SMURF2: variants seen among roughly 807,000 people sequenced by gnomAD.
SMURF2 encodes the protein E3 ubiquitin-protein ligase SMURF2.
A neutral mutation model predicts 109.6 loss-of-function variants in SMURF2; 48 were observed. The observed-to-expected ratio is 0.44, with a 90% CI of 0.35 to 0.56. The LOEUF (loss-of-function observed/expected upper bound fraction) is 0.56, where lower values mean the gene tolerates loss of function less well. SMURF2 is among the 20% of genes least tolerant of loss of function. The pLI is 0.01. For synonymous variants in SMURF2, 288 were observed against 317.1 expected (o/e 0.91, Z 0.97); for missense variants, 575 against 909.0 (o/e 0.63, Z 4.72).
intron 1 of SMURF2, among the ~76,000 whole-genome samples, chr17:64,655,666 C>A (rs549720744): frequency 6.6e-6 from 1 of 152,112 alleles, no homozygotes; most frequent in South Asian, 2.1e-4. Context: ...GTGGGCAGAT[C>A]ACTTGAGGTC....
intron 1 of SMURF2, among the ~76,000 whole-genome samples, chr17:64,646,803 C>T (rs1970565769): frequency 1.3e-5 from 2 of 152,298 alleles, no homozygotes; most frequent in East Asian, 1.9e-4. Flanking sequence ...GATATCACTG[C>T]CTTCTCACCA....
Position 64,562,983 on chromosome 17 carries a change from A to T in SMURF2, c.1017-17T>A. ...TTCTGCCGACTAGAAGTAAACATAG[A>T]TGTTATTATTAAAGTATATCAAATT... On this transcript the variant is annotated splice_polypyrimidine_tract_variant and intron_variant, in intron 10 of 18. Coordinates refer to ENST00000262435, the MANE Select transcript of SMURF2 (RefSeq NM_022739.4). The T allele has an allele frequency of 6.3e-7, 1 of 1,583,860 alleles. No homozygotes were observed. Among genetic ancestry groups the T allele is most frequent in the Non-Finnish European group, 8.6e-7 (1 of 1,164,174 alleles).
chr17:64,618,538 G>A (rs1330522154), intron 1 of SMURF2, among the ~76,000 whole-genome samples: 3 of 152,162 alleles, frequency 2.0e-5, no homozygotes, highest in African/African-American at 7.2e-5. Flanking sequence ...GCTGTGTGCA[G>A]ACCAAACATT....
intron 6 of SMURF2, among the ~76,000 whole-genome samples, chr17:64,585,617 T>A (rs576477451): frequency 9.0e-4 from 137 of 152,330 alleles, no homozygotes; most frequent in African/African-American, 3.2e-3. Flanking sequence ...TCCAAGATGC[T>A]ATGAGAATTA....
At chr17:64,620,322 A>C (rs1480923342) in intron 1 of SMURF2, among the ~76,000 whole-genome samples, 10 of 152,150 alleles carry the variant, frequency 6.6e-5, no homozygotes, top group Non-Finnish European at 7.4e-5. Context: ...CCACAGAAAA[A>C]CTGTAAGTGA....
At chr17:64,573,753 T>C (rs1969449282) in intron 9 of SMURF2, among the ~76,000 whole-genome samples, 1 of 152,060 alleles carries the variant, frequency 6.6e-6, no homozygotes, top group South Asian at 2.1e-4. Context: ...CCTCCCAAAT[T>C]CAGCCTCCCA....
rs888735968 is a variant in SMURF2 at position 64,550,828 on chromosome 17, G to A, written c.1869+756C>T. 3.3e-5 allele frequency among the ~76,000 whole-genome samples: 5 copies of A among 150,828 alleles called. No individual in the cohort carries two copies. The East Asian group carries it at 5.9e-4, about 18-fold the overall frequency. On this transcript the variant is annotated intron_variant, in intron 16 of 18. Coordinates refer to ENST00000262435, the MANE Select transcript of SMURF2 (RefSeq NM_022739.4). ...TCCTAGGTGTTTTAGTTATTTTCTC[G>A]ATGATCTTGTCTATCAAATGCTTTC...
intron 1 of SMURF2, among the ~76,000 whole-genome samples, chr17:64,621,433 A>G (rs1214763624): frequency 1.3e-5 from 2 of 151,852 alleles, no homozygotes; most frequent in African/African-American, 4.8e-5. Flanking sequence ...TACAAAAATT[A>G]GCCAGGCGTC....
At chr17:64,562,748 C>A in intron 11 of SMURF2, 23 bp downstream of exon 11, 1 of 1,599,434 alleles carries the variant, frequency 6.3e-7, no homozygotes, top group South Asian at 1.1e-5. Context: ...AATAGTAAAA[C>A]AAAATAAGGC....
rs781983073 is a variant in SMURF2 at position 64,578,466 on chromosome 17, A to G, written c.857+26T>C. 3.4e-6 allele frequency: 5 copies of G among 1,490,844 alleles called. No individual in the cohort carries two copies. In the Admixed American group the frequency reaches 5.1e-5, roughly 15 times the overall value. 92.4% of individuals were successfully genotyped at this position (1,490,844 alleles called of 1,614,324 possible). A position where few individuals can be genotyped will look rare whatever the true frequency, so the allele number is the denominator to read the frequency against. ...AGGTGAAATGGCTCTTTGATGGTCT[A>G]AAGAGTGCTTAAAATACGTTCTTAC... On this transcript the variant is annotated intron_variant, in intron 9 of 18. Transcript: ENST00000262435.
At position 64,634,643 on chromosome 17, in the gene SMURF2, A is replaced by T. The variant is rs1331696981; in HGVS notation, c.52+27186T>A. On this transcript the variant is annotated intron_variant, in intron 1 of 18. Transcript: ENST00000262435. ...CATTTCCCTGAAGTTTTTTTATACC[A>T]CTTATTTACTGTCTCCTGTTCTTTC... Among the ~76,000 whole-genome samples the T allele has an allele frequency of 2.0e-5, 3 of 152,106 alleles. No homozygotes were observed. The East Asian group carries it at 5.8e-4, about 29-fold the overall frequency.
chr17:64,547,034 G>A lies in SMURF2; in HGVS notation c.2071+566C>T, dbSNP rs1555683155. On this transcript the variant is annotated intron_variant, in intron 17 of 18. Coordinates refer to ENST00000262435, the MANE Select transcript of SMURF2 (RefSeq NM_022739.4). The surrounding 1 kb of genome is among the most constrained non-coding windows in gnomAD (Gnocchi z 4.2). Reference sequence around the variant, plus strand: ...GTAAAGGAAGCAACTGCCACCCAGTGAAGCACCACAATCATTAGCAATATT... The same window carrying A: ...GTAAAGGAAGCAACTGCCACCCAGTAAAGCACCACAATCATTAGCAATATT... 6.6e-6 allele frequency among the ~76,000 whole-genome samples: 1 copy of A among 152,232 alleles called. No homozygotes were observed. Among genetic ancestry groups the A allele is most frequent in the Non-Finnish European group, 1.5e-5 (1 of 68,046 alleles).
chr17:64,618,886 A>G (rs569726647), intron 1 of SMURF2, among the ~76,000 whole-genome samples: 1 of 152,278 alleles, frequency 6.6e-6, no homozygotes, highest in Admixed American at 6.5e-5. Flanking sequence ...AGCACTATAA[A>G]AGAGTTAAAT....
At chr17:64,563,039 CATCA>C in intron 10 of SMURF2, 73 bp from the exon 11 acceptor site, 1 of 1,268,876 alleles carries the variant, frequency 7.9e-7, no homozygotes, top group Non-Finnish European at 1.1e-6. Flanking sequence ...TTTAAAATAG[CATCA>C]TATTATAAAG....
At chr17:64,578,008 G>A (rs1437617804) in intron 9 of SMURF2, among the ~76,000 whole-genome samples, 3 of 146,464 alleles carry the variant, frequency 2.0e-5, no homozygotes, top group African/African-American at 7.6e-5. Flanking sequence ...GCAGTGGCGT[G>A]ATCTCAGCTC....
At chr17:64,599,559 G>C (rs141834085) in intron 2 of SMURF2, among the ~76,000 whole-genome samples, 1 of 152,198 alleles carries the variant, frequency 6.6e-6, no homozygotes, top group Non-Finnish European at 1.5e-5. Flanking sequence ...GGAAGTGAGC[G>C]GTGGGAGAGT....
intron 1 of SMURF2, among the ~76,000 whole-genome samples, chr17:64,631,260 G>C (rs1396690908): frequency 9.2e-5 from 2 of 21,762 alleles, no homozygotes; most frequent in Non-Finnish European, 2.1e-4. Flanking sequence ...GAATGGAGGT[G>C]GGGGGGAGAG....
At chr17:64,620,254 A>G (rs1970184182) in intron 1 of SMURF2, among the ~76,000 whole-genome samples, 1 of 152,236 alleles carries the variant, frequency 6.6e-6, no homozygotes. Context: ...CAATGTGCCA[A>G]AAAACTTCTA....
intron 7 of SMURF2, among the ~76,000 whole-genome samples, chr17:64,582,413 C>G (rs1434557508): frequency 6.6e-6 from 1 of 152,142 alleles, no homozygotes; most frequent in Non-Finnish European, 1.5e-5. Context: ...GGGGATTCAG[C>G]CACATAGACT....
Sources: allele counts gnomAD v4.1 joint callset (sites outside exome capture counted in the v4.1 genomes callset), GRCh38; gene constraint gnomAD v4.1.1; non-coding constraint Gnocchi (gnomAD v3.1); transcripts MANE v1.5; gene names NCBI Gene and HGNC (gene_info 2026-07-23, HGNC 2026-07-21).